The following TF variants were observed in gnomAD, a reference collection of about 807,000 sequenced individuals.
The protein encoded by TF is serotransferrin.
A neutral mutation model predicts 82.4 loss-of-function variants in TF; 55 were observed. That is an observed-to-expected ratio of 0.67 (90% CI 0.54 to 0.84). The LOEUF is 0.84. TF is among the 40% of genes least tolerant of loss of function. The pLI is 0.00. For synonymous variants in TF, 332 were observed against 332.6 expected (o/e 1.00, Z 0.02); for missense variants, 737 against 868.4 (o/e 0.85, Z 1.90).
chr3:133,770,752 G>A, intron 14 of TF, 180 bp downstream of exon 14: 2 of 769,212 alleles, frequency 2.6e-6, no homozygotes, highest in Non-Finnish European at 4.3e-6. Flanking sequence ...GAATGATCAG[G>A]ATTATGGGGC....
At chr3:133,748,777 C>A in intron 2 of TF, 193 bp downstream of exon 2, 1 of 712,276 alleles carries the variant, frequency 1.4e-6, no homozygotes, top group Non-Finnish European at 2.4e-6. Flanking sequence ...AGTCAAAAAG[C>A]ACATTAACTT....
At chr3:133,690,303 T>C in the TF span, among the ~76,000 whole-genome samples, 1 of 152,152 alleles carries the variant, frequency 6.6e-6, no homozygotes, top group African/African-American at 2.4e-5. Flanking sequence ...AACAAGCCAT[T>C]TGCAGAAAAG....
At chr3:133,745,095 T>A (rs1933464953), upstream of TF, among the ~76,000 whole-genome samples, 1 of 152,198 alleles carries the variant, frequency 6.6e-6, no homozygotes, top group African/African-American at 2.4e-5. Flanking sequence ...ACTCCAACCT[T>A]CACGAGATGC....
chr3:133,753,308 C>T (rs1314296943), intron 2 of TF, among the ~76,000 whole-genome samples: 1 of 152,208 alleles, frequency 6.6e-6, no homozygotes, highest in Non-Finnish European at 1.5e-5. Flanking sequence ...TTCGTAATTG[C>T]CTACGGTAAA....
Position 133,791,240 on chromosome 3 carries a change from T to C in TF, c.*12620T>C, listed in dbSNP as rs1001504230. On this transcript the variant is annotated 3_prime_UTR_variant, in exon 17 of 17. Coordinates refer to ENST00000402696, the MANE Select transcript of TF (RefSeq NM_001063.4). ...CTTGAACTAACTCAAATTCTGTTTA[T>C]GATACTTTAAGTGTGTTGAGTATAT... The C allele has an allele frequency of 2.0e-5, 3 of 152,202 alleles. No individual in the cohort carries two copies. Among genetic ancestry groups the C allele is most frequent in the Non-Finnish European group, 2.9e-5 (2 of 68,028 alleles). 9.4% of individuals were successfully genotyped at this position (152,202 alleles called of 1,614,324 possible).
the TF span, among the ~76,000 whole-genome samples, chr3:133,685,870 A>C: frequency 6.6e-6 from 1 of 152,234 alleles, no homozygotes; most frequent in Non-Finnish European, 1.5e-5. Flanking sequence ...ATATGGAACC[A>C]AAAAAGCCCA....
rs1933560012 is a variant in TF at position 133,748,273 on chromosome 3, T to C, written c.44-139T>C. 8 of 1,064,426 alleles carry C rather than the reference T, an allele frequency of 7.5e-6. No homozygotes were observed. The Admixed American group carries it at 1.6e-4, about 21-fold the overall frequency. 65.9% of individuals were successfully genotyped at this position (1,064,426 alleles called of 1,614,324 possible). On this transcript the variant is annotated intron_variant, in intron 1 of 16. Coordinates refer to ENST00000402696, the MANE Select transcript of TF (RefSeq NM_001063.4). ...CAGACTCAGAATGCAGTAGAACTTGTGCCCTGTAGTGTTCATGGACAGGAG... is the reference window on the plus strand; with the variant it reads ...CAGACTCAGAATGCAGTAGAACTTGCGCCCTGTAGTGTTCATGGACAGGAG...
intron 13 of TF, among the ~76,000 whole-genome samples, chr3:133,769,608 C>A (rs947298158): frequency 3.3e-5 from 5 of 152,222 alleles, no homozygotes; most frequent in Admixed American, 6.5e-5. Flanking sequence ...GGTACCCCGT[C>A]TTCTCAGCTA....
chr3:133,742,243 A>C (rs1933406660), upstream of TF, among the ~76,000 whole-genome samples: 1 of 152,138 alleles, frequency 6.6e-6, no homozygotes, highest in African/African-American at 2.4e-5. Context: ...CAGGCTTCCA[A>C]AGCCCTAGGA....
intron 9 of TF, chr3:133,762,194 G>C: frequency 4.6e-6 from 1 of 215,098 alleles, no homozygotes; most frequent in South Asian, 8.8e-5. Flanking sequence ...CAACTCTGAA[G>C]AATCTCCCAG....
In TF at chr3:133,794,239, AT is replaced by A. The variant is rs1322708328; in HGVS notation, c.*15620del. On this transcript the variant is annotated 3_prime_UTR_variant, in exon 17 of 17. Coordinates refer to ENST00000402696, the MANE Select transcript of TF (RefSeq NM_001063.4). ...CATTACATGACTCGTCACGGAAAAG[AT>A]AAAATGATCCAAATTGAATATATTG... is the stretch of plus-strand genomic sequence containing the variant. 6.6e-6 allele frequency: 1 copy of A among 152,236 alleles called. No individual in the cohort carries two copies. Among genetic ancestry groups the A allele is most frequent in the African/African-American group, 2.4e-5 (1 of 41,466 alleles). 9.4% of individuals were successfully genotyped at this position (152,236 alleles called of 1,614,324 possible).
chr3:133,694,148 G>C, the TF span: 1 of 152,808 alleles, frequency 6.5e-6, no homozygotes, highest in South Asian at 2.1e-4. Flanking sequence ...CCACTCTCTC[G>C]CACACATGTA....
intron 9 of TF, chr3:133,762,370 T>TC (rs1934017767): frequency 6.5e-6 from 1 of 153,516 alleles, no homozygotes; most frequent in African/African-American, 2.4e-5. Context: ...GGTGCAGTAG[T>TC]CCCCCTTTAT....
the TF span, among the ~76,000 whole-genome samples, chr3:133,680,206 T>C: frequency 6.6e-6 from 1 of 152,136 alleles, no homozygotes; most frequent in East Asian, 1.9e-4. Context: ...TTTTTCTTTT[T>C]TTTCTTTCTT....
At chr3:133,777,314 A>T (rs1483026200) in intron 16 of TF, 76 bp downstream of exon 16, 1 of 1,464,928 alleles carries the variant, frequency 6.8e-7, no homozygotes, top group East Asian at 2.3e-5. Context: ...TGGGTACAGG[A>T]GGGGTAGGCT....
At chr3:133,728,524 T>C in the TF span, among the ~76,000 whole-genome samples, 1 of 152,224 alleles carries the variant, frequency 6.6e-6, no homozygotes, top group Admixed American at 6.5e-5. Flanking sequence ...TAAGCACTTC[T>C]CTGTATTGGT....
Position 133,786,388 on chromosome 3 carries a change from C to G in TF, c.*7768C>G, listed in dbSNP as rs1398131943. 6.6e-6 allele frequency: 1 copy of G among 152,020 alleles called. No individual in the cohort carries two copies. Among genetic ancestry groups the G allele is most frequent in the East Asian group, 1.9e-4 (1 of 5,198 alleles). 9.4% of individuals were successfully genotyped at this position (152,020 alleles called of 1,614,324 possible). On this transcript the variant is annotated 3_prime_UTR_variant, in exon 17 of 17. Coordinates refer to ENST00000402696, the MANE Select transcript of TF (RefSeq NM_001063.4). Reference sequence around the variant, plus strand: ...TTGGTTGGGGGGGGTGGCCAAACCACCTGTTAATAATACACATTGTGTTTG... The same window carrying G: ...TTGGTTGGGGGGGGTGGCCAAACCAGCTGTTAATAATACACATTGTGTTTG...
At chr3:133,679,851 T>A in the TF span, among the ~76,000 whole-genome samples, 1 of 152,186 alleles carries the variant, frequency 6.6e-6, no homozygotes, top group African/African-American at 2.4e-5. Flanking sequence ...GTCATACTGG[T>A]AAGTGTATGT....
chr3:133,748,351 G>A (rs1291487276), intron 1 of TF, 61 bp from the exon 2 acceptor site: 14 of 1,605,462 alleles, frequency 8.7e-6, no homozygotes, highest in South Asian at 4.4e-5. Flanking sequence ...TTCTAGGGGC[G>A]ATGCTGTCTC....
Sources: allele counts gnomAD v4.1 joint callset (sites outside exome capture counted in the v4.1 genomes callset), GRCh38; gene constraint gnomAD v4.1.1; transcripts MANE v1.5; gene names NCBI Gene and HGNC (gene_info 2026-07-23, HGNC 2026-07-21).